The following LUC7L2 variants were observed in gnomAD, a reference collection of about 807,000 sequenced individuals.
LUC7L2 encodes LUC7 like 2, pre-mRNA splicing factor, also known as putative RNA-binding protein Luc7-like 2.
Under a neutral mutation model 52.8 loss-of-function variants are expected in LUC7L2, and 25 were observed. That is an observed-to-expected ratio of 0.47 (90% confidence interval 0.34 to 0.66). LUC7L2 has a LOEUF of 0.66. Ranked by LOEUF, LUC7L2 falls within the 30% of genes least tolerant of loss-of-function variation. The probability of loss-of-function intolerance (pLI) is 0.01; values close to 1 mark genes in which losing one functional copy is unlikely to be tolerated. For missense variants in LUC7L2, 328 were observed against 497.8 expected, an observed-to-expected ratio of 0.66 and a Z score of 3.25; for synonymous variants, 144 against 160.9, an observed-to-expected ratio of 0.89 and a Z score of 0.80.
intron 1 of LUC7L2, among the ~76,000 whole-genome samples, chr7:139,344,359 C>T (rs1214479291): frequency 4.6e-5 from 7 of 152,070 alleles, no homozygotes. Flanking sequence ...GTAGTATTTG[C>T]AATATAACCT....
intron 2 of LUC7L2, among the ~76,000 whole-genome samples, chr7:139,388,524 G>C (rs1040941127): frequency 1.5e-4 from 23 of 151,938 alleles, no homozygotes; most frequent in African/African-American, 4.3e-4. Flanking sequence ...CCGTGTTCTT[G>C]TGTAATTCGT....
At chr7:139,363,151 C>T (rs931471161) in intron 1 of LUC7L2, 3 of 956,254 alleles carry the variant, frequency 3.1e-6, no homozygotes, top group Admixed American at 6.2e-5. Flanking sequence ...AAGACAAACT[C>T]TGCCTTCTTT....
intron 3 of LUC7L2, among the ~76,000 whole-genome samples, chr7:139,399,449 ATTTTTTTTTTTTTTTTTTTTTT>A (rs71169090): frequency 1.8e-4 from 9 of 50,444 alleles, no homozygotes; most frequent in South Asian, 8.0e-4. Flanking sequence ...TGTTTGGGGG[ATTTTTTTTTTTTTTTTTTTTTT>A]TTTTTTTTTT....
chr7:139,358,344 AC>A (rs1799684846), upstream of LUC7L2, among the ~76,000 whole-genome samples: 1 of 152,170 alleles, frequency 6.6e-6, no homozygotes, highest in Admixed American at 6.6e-5. Context: ...GACTATTACT[AC>A]TATTCATGTT....
At chr7:139,366,847 A>G (rs984071050) in intron 1 of LUC7L2, among the ~76,000 whole-genome samples, 3 of 152,174 alleles carry the variant, frequency 2.0e-5, no homozygotes, top group African/African-American at 7.2e-5. Flanking sequence ...AATTCTGGAT[A>G]TGGGCCCCAG....
chr7:139,418,105 A>T (rs1386015645), intron 9 of LUC7L2, among the ~76,000 whole-genome samples: 1 of 152,142 alleles, frequency 6.6e-6, no homozygotes, highest in Non-Finnish European at 1.5e-5. Flanking sequence ...GCTTTGATTT[A>T]TTGTTTTCTA....
intron 2 of LUC7L2, among the ~76,000 whole-genome samples, chr7:139,396,819 C>T (rs974644899): frequency 6.6e-6 from 1 of 152,118 alleles, no homozygotes; most frequent in Non-Finnish European, 1.5e-5. Context: ...GTAACTGTTA[C>T]TCTTGACTAC....
chr7:139,341,632 C>A, intron 1 of LUC7L2: 1 of 1,494,838 alleles, frequency 6.7e-7, no homozygotes, highest in Non-Finnish European at 8.9e-7. Flanking sequence ...GAGGCCAACC[C>A]TCCCACGGAG....
chr7:139,422,273 A>G lies in LUC7L2; in HGVS notation c.1112A>G (p.Tyr371Cys), dbSNP rs757939845. 1.2e-6 allele frequency: 2 copies of G among 1,614,218 alleles called. No homozygotes were observed. Among genetic ancestry groups the G allele is most frequent in the Admixed American group, 3.3e-5 (2 of 60,020 alleles). The change falls in exon 10 of 10, where the codon TAT becomes TGT. Residue 371 changes from tyrosine (Y) to cysteine (C), a missense_variant. By Grantham distance (194) the Tyr-to-Cys change is radical (BLOSUM62 -2). This residue lies in a region of LUC7L2 where 195 missense variants were observed against 223.3 expected (regional missense o/e 0.87). Coordinates refer to ENST00000354926, the MANE Select transcript of LUC7L2 (RefSeq NM_016019.5). ...DRDRKDKKRSYESANGRSEDR... is the reference protein window; with the variant it reads ...DRDRKDKKRSCESANGRSEDR... ...GATCGGAAAGATAAGAAGCGGTCCT[A>G]TGAGAGTGCTAATGGCAGATCAGAA...
rs1163028006 is a variant in LUC7L2, at chr7:139,343,926, C to CA, written c.-26+3429dup. 9.1e-3 allele frequency among the ~76,000 whole-genome samples: 955 copies of CA among 104,634 alleles called. 7 individuals are homozygous for CA. Among genetic ancestry groups the CA allele is most frequent in the Non-Finnish European group, 0.013 (594 of 44,320 alleles). 68.6% of individuals were successfully genotyped at this position (104,634 alleles called of 152,430 possible). A position where few individuals can be genotyped will look rare whatever the true frequency, so the allele number is the denominator to read the frequency against. On this transcript the variant is annotated intron_variant, in intron 1 of 10. Coordinates refer to the LUC7L2 transcript ENST00000541170. The stretch of plus-strand genomic sequence containing the variant: ...GGGCAACAAAGTGAGACCCTGTCCC[C>CA]AAAAAAAAAAAAAAAAAAAAGAGTT...
intron 2 of LUC7L2, among the ~76,000 whole-genome samples, chr7:139,387,835 C>T (rs1794271630): frequency 6.6e-6 from 1 of 152,004 alleles, no homozygotes; most frequent in Admixed American, 6.6e-5. Flanking sequence ...TCACTGAAGC[C>T]TGAAACTCCT....
chr7:139,357,503 T>G (rs1314230462), upstream of LUC7L2, among the ~76,000 whole-genome samples: 1 of 152,122 alleles, frequency 6.6e-6, no homozygotes. Context: ...AAATACACTG[T>G]TTTTCAGGGT....
chr7:139,359,366 C>T (rs985879433), upstream of LUC7L2: 1 of 157,524 alleles, frequency 6.3e-6, no homozygotes, highest in South Asian at 2.0e-4. Flanking sequence ...ACTTCCCAGC[C>T]GAGGAGCCTT....
intron 1 of LUC7L2, among the ~76,000 whole-genome samples, chr7:139,363,446 A>T (rs996008985): frequency 6.6e-6 from 1 of 152,158 alleles, no homozygotes; most frequent in African/African-American, 2.4e-5. Flanking sequence ...TCTAATTGTA[A>T]CCTTGGGTAA....
chr7:139,357,930 T>C (rs554551302), upstream of LUC7L2, among the ~76,000 whole-genome samples: 11 of 152,232 alleles, frequency 7.2e-5, no homozygotes, highest in East Asian at 2.1e-3. Flanking sequence ...GACCTCGTGA[T>C]TCGCCCGCCT....
chr7:139,411,724 TAAGTA>T (rs1292518672), intron 7 of LUC7L2, among the ~76,000 whole-genome samples: 4 of 152,182 alleles, frequency 2.6e-5, no homozygotes, highest in African/African-American at 9.6e-5. Context: ...ACAAGTGCCT[TAAGTA>T]GAGTATCTCA....
chr7:139,362,510 G>A (rs1205437888), intron 1 of LUC7L2, among the ~76,000 whole-genome samples: 1 of 152,106 alleles, frequency 6.6e-6, no homozygotes, highest in Non-Finnish European at 1.5e-5. Context: ...CACACAAACA[G>A]CCTATGGGAA....
intron 2 of LUC7L2, among the ~76,000 whole-genome samples, chr7:139,393,735 C>T (rs1794544133): frequency 6.6e-6 from 1 of 152,126 alleles, no homozygotes; most frequent in Non-Finnish European, 1.5e-5. Flanking sequence ...AGTGAGCCAC[C>T]ACACCTGACC....
intron 1 of LUC7L2, among the ~76,000 whole-genome samples, chr7:139,368,567 G>A (rs1800281838): frequency 6.6e-6 from 1 of 152,016 alleles, no homozygotes; most frequent in Non-Finnish European, 1.5e-5. Context: ...GGTGAAACCT[G>A]TCTCTACTAA....
Sources: gnomAD v4.1 joint callset for allele counts (sites outside exome capture counted in the v4.1 genomes callset) on GRCh38, gnomAD v4.1.1 for gene constraint, gnomAD v4.1.1 regional missense constraint, MANE v1.5 for transcripts, NCBI Gene and HGNC (gene_info 2026-07-23, HGNC 2026-07-21) for gene names.